NLGN1: variants seen among roughly 807,000 people sequenced by gnomAD.
NLGN1 encodes neuroligin-1.
In NLGN1, 12 loss-of-function variants were observed where a neutral mutation model predicts 65.5. The observed-to-expected ratio is 0.18, with a 90% CI of 0.12 to 0.30. NLGN1 has a LOEUF of 0.30. NLGN1 is among the 10% of genes least tolerant of loss of function. The pLI is 1.00. For synonymous variants in NLGN1, 350 were observed against 359.5 expected (o/e 0.97, Z 0.30); for missense variants, 750 against 1,007.1 (o/e 0.74, Z 3.46).
intron 4 of NLGN1, among the ~76,000 whole-genome samples, chr3:174,061,573 C>A (rs1173338051): frequency 6.6e-6 from 1 of 152,054 alleles, no homozygotes; most frequent in Non-Finnish European, 1.5e-5. Context: ...TATTTTAATT[C>A]TTTAAAGGAT....
intron 2 of NLGN1, among the ~76,000 whole-genome samples, chr3:173,437,590 T>A (rs185782119): frequency 1.3e-5 from 2 of 152,310 alleles, no homozygotes; most frequent in Admixed American, 1.3e-4. Flanking sequence ...CTGACTTGAC[T>A]CTTCATTTAG....
chr3:174,118,794 A>G (rs1223168885), intron 4 of NLGN1, among the ~76,000 whole-genome samples: 1 of 152,144 alleles, frequency 6.6e-6, no homozygotes, highest in Non-Finnish European at 1.5e-5. Context: ...GTAGAATGCA[A>G]ATTAGGAAAT....
chr3:173,799,922 C>T (rs1416873215), intron 3 of NLGN1, among the ~76,000 whole-genome samples: 1 of 151,132 alleles, frequency 6.6e-6, no homozygotes, highest in African/African-American at 2.4e-5. Context: ...AATGTTGCCA[C>T]CAATTTAAAT....
At chr3:174,173,700 G>A (rs1445789945) in intron 4 of NLGN1, among the ~76,000 whole-genome samples, 2 of 151,114 alleles carry the variant, frequency 1.3e-5, no homozygotes, top group Non-Finnish European at 2.9e-5. Context: ...TTTTGTGTGT[G>A]TGTGTATGTT....
chr3:174,099,971 G>A (rs549157050), intron 4 of NLGN1, among the ~76,000 whole-genome samples: 30 of 152,242 alleles, frequency 2.0e-4, no homozygotes, highest in South Asian at 6.2e-4. Context: ...CATCTTTAAA[G>A]ACGTGCCTGA....
intron 3 of NLGN1, among the ~76,000 whole-genome samples, chr3:173,664,712 GTTA>G (rs1761455198): frequency 6.6e-6 from 1 of 152,116 alleles, no homozygotes; most frequent in Non-Finnish European, 1.5e-5. Context: ...TGCCTTATGT[GTTA>G]TTATGTATCA....
chr3:173,497,771 G>C (rs546653870), intron 2 of NLGN1, among the ~76,000 whole-genome samples: 30 of 151,758 alleles, frequency 2.0e-4, no homozygotes, highest in Non-Finnish European at 3.4e-4. Flanking sequence ...AATATTCAAG[G>C]CCCAGGTAGC....
chr3:173,457,515 T>G (rs1722702162), intron 2 of NLGN1, among the ~76,000 whole-genome samples: 1 of 152,112 alleles, frequency 6.6e-6, no homozygotes, highest in South Asian at 2.1e-4. Context: ...CCAAAGAATT[T>G]GAATTTTATT....
intron 4 of NLGN1, among the ~76,000 whole-genome samples, chr3:174,103,040 A>G (rs1030079615): frequency 1.3e-5 from 2 of 152,188 alleles, no homozygotes; most frequent in African/African-American, 4.8e-5. Context: ...AAAATCTCAT[A>G]TGGCAACTGT....
chr3:174,164,282 A>G (rs1727114841), intron 4 of NLGN1, among the ~76,000 whole-genome samples: 1 of 151,636 alleles, frequency 6.6e-6, no homozygotes, highest in Non-Finnish European at 1.5e-5. Flanking sequence ...TTTTTAATGA[A>G]ATTACTTAGC....
intron 5 of NLGN1, among the ~76,000 whole-genome samples, chr3:174,278,138 C>T (rs692457): frequency 0.49 from 75,048 of 151,660 alleles, 18,993 homozygotes; most frequent in East Asian, 0.67. Flanking sequence ...CATTCAACAG[C>T]GGCAAAAGTT....
intron 4 of NLGN1, among the ~76,000 whole-genome samples, chr3:174,075,901 G>A (rs10936774): frequency 0.21 from 31,463 of 151,938 alleles, 4,143 homozygotes; most frequent in African/African-American, 0.38. Flanking sequence ...TAGCTAATTT[G>A]ACACTAAAAG....
chr3:173,954,367 G>A (rs1265151951), intron 4 of NLGN1, among the ~76,000 whole-genome samples: 1 of 151,868 alleles, frequency 6.6e-6, no homozygotes, highest in Non-Finnish European at 1.5e-5. Flanking sequence ...CTTGAGGGAA[G>A]TGTAAAAGGT....
At chr3:174,017,459 A>G (rs1450770300) in intron 4 of NLGN1, among the ~76,000 whole-genome samples, 2 of 152,076 alleles carry the variant, frequency 1.3e-5, no homozygotes, top group South Asian at 2.1e-4. Flanking sequence ...ATTTTAGTGG[A>G]ATCATAGGAA....
intron 4 of NLGN1, among the ~76,000 whole-genome samples, chr3:173,959,784 C>G: frequency 6.6e-6 from 1 of 152,062 alleles, no homozygotes; most frequent in Non-Finnish European, 1.5e-5. Flanking sequence ...AAATAATTTT[C>G]AGAATCTTCC....
At chr3:173,428,372 C>CT (rs1237630187) in intron 1 of NLGN1, among the ~76,000 whole-genome samples, 1 of 151,210 alleles carries the variant, frequency 6.6e-6, no homozygotes, top group Non-Finnish European at 1.5e-5. Flanking sequence ...TTTCTACTGT[C>CT]TTTTTTTGGC....
chr3:173,875,873 A>G (rs1732009296), intron 4 of NLGN1, among the ~76,000 whole-genome samples: 1 of 152,206 alleles, frequency 6.6e-6, no homozygotes, highest in Admixed American at 6.5e-5. Flanking sequence ...AACCTCAGAT[A>G]TGACTTTGTA....
At chr3:173,762,868 A>G (rs907219186) in intron 3 of NLGN1, among the ~76,000 whole-genome samples, 1 of 151,848 alleles carries the variant, frequency 6.6e-6, no homozygotes, top group Non-Finnish European at 1.5e-5. Context: ...ATTAAAACAG[A>G]AGTTCCAAAT....
intron 3 of NLGN1, among the ~76,000 whole-genome samples, chr3:173,718,738 T>C (rs927710765): frequency 2.6e-5 from 4 of 152,192 alleles, no homozygotes; most frequent in Non-Finnish European, 5.9e-5. Flanking sequence ...ATTCAATATA[T>C]GGCTTTATCT....
Sources: allele counts gnomAD v4.1 joint callset (sites outside exome capture counted in the v4.1 genomes callset), GRCh38; gene constraint gnomAD v4.1.1; transcripts MANE v1.5; gene names NCBI Gene and HGNC (gene_info 2026-07-23, HGNC 2026-07-21).